STMND1: variants seen among roughly 807,000 people sequenced by gnomAD.
STMND1 encodes stathmin domain-containing protein 1.
A neutral mutation model predicts 23.0 loss-of-function variants in STMND1; 17 were observed. The observed-to-expected ratio is 0.74, with a 90% CI of 0.51 to 1.11. STMND1 has a LOEUF of 1.11. Ranked by LOEUF, STMND1 falls within the 50% of genes least tolerant of loss-of-function variation. STMND1 has a pLI of 0.00. For missense variants in STMND1, 305 were observed against 329.1 expected (o/e 0.93, Z 0.57); for synonymous variants, 114 against 119.9 (o/e 0.95, Z 0.32).
intron 2 of STMND1, among the ~76,000 whole-genome samples, chr6:17,116,830 T>C (rs1033411581): frequency 2.6e-5 from 4 of 152,064 alleles, no homozygotes; most frequent in Non-Finnish European, 5.9e-5. Context: ...AATTTCAGAG[T>C]CAAGAAAAGG....
At chr6:17,126,058 ATATATATATATATTT>A (rs1429986693) in intron 3 of STMND1, among the ~76,000 whole-genome samples, 7 of 23,110 alleles carry the variant, frequency 3.0e-4, no homozygotes, top group African/African-American at 1.3e-3. Flanking sequence ...ATATATATAT[ATATATATATATATTT>A]TTTTTTTTTT....
chr6:17,104,617 T>C (rs1426884895), intron 1 of STMND1, among the ~76,000 whole-genome samples: 1 of 152,154 alleles, frequency 6.6e-6, no homozygotes, highest in Non-Finnish European at 1.5e-5. Context: ...TCCTAATTGC[T>C]CTCCCTGGAT....
At position 17,115,117 on chromosome 6, in the gene STMND1, A is replaced by G; in HGVS notation, c.237A>G (p.Glu79=). The G allele has an allele frequency of 6.5e-7, 1 of 1,535,466 alleles. No homozygotes were observed. The highest frequency in any genetic ancestry group is 8.7e-7 in the Non-Finnish European group (1 of 1,146,700). Residue 79 remains glutamate (E), a synonymous_variant, in exon 2 of 5, where the codon GAA becomes GAG. Coordinates refer to ENST00000536551, the MANE Select transcript of STMND1 (RefSeq NM_001190766.2). The stretch of plus-strand genomic sequence containing the variant: ...CAGAAAATTCTCCATCTCCTAGTGA[A>G]AGAAACAGACGAGTAAATTCAGGTA... The part of the protein sequence containing the change: ...TISENSPSPS[E]RNRRVNSDLV...
chr6:17,102,367 C>A, intron 1 of STMND1, 29 bp downstream of exon 1: 1 of 1,534,582 alleles, frequency 6.5e-7, no homozygotes, highest in Non-Finnish European at 8.7e-7. Context: ...AACAAACAAA[C>A]AAACAGACAG....
chr6:17,102,272 T>G lies in STMND1; in HGVS notation c.15T>G (p.Pro5=), dbSNP rs1216268701. The change falls in exon 1 of 5, where the codon CCT becomes CCG. Residue 5 remains proline (P), a synonymous_variant. Coordinates refer to ENST00000536551, the MANE Select transcript of STMND1 (RefSeq NM_001190766.2). MGCG[P]SQPAEDRRRV... Reference sequence around the variant, plus strand: ...GCGCGCGCAGCATGGGCTGTGGACCTTCCCAACCTGCTGAAGACCGGAGAC... The same window carrying G: ...GCGCGCGCAGCATGGGCTGTGGACCGTCCCAACCTGCTGAAGACCGGAGAC... 1 of 1,535,974 alleles carries G rather than the reference T, an allele frequency of 6.5e-7. No individual in the cohort carries two copies. The highest frequency in any genetic ancestry group is 8.7e-7 in the Non-Finnish European group (1 of 1,146,832).
chr6:17,102,605 G>A (rs572974284), intron 1 of STMND1, among the ~76,000 whole-genome samples: 9 of 152,302 alleles, frequency 5.9e-5, no homozygotes, highest in South Asian at 4.1e-4. Context: ...AATTTTGAGA[G>A]CCTTTGGTGT....
At position 17,130,871 on chromosome 6, in the gene STMND1, T is replaced by A; in HGVS notation, c.821T>A (p.Ile274Lys). The A allele has an allele frequency of 6.6e-7, 1 of 1,522,458 alleles. No individual in the cohort carries two copies. Among genetic ancestry groups the A allele is most frequent in the Non-Finnish European group, 8.8e-7 (1 of 1,138,648 alleles). 94.3% of individuals were successfully genotyped at this position (1,522,458 alleles called of 1,614,324 possible). A position where few individuals can be genotyped will look rare whatever the true frequency, so the allele number is the denominator to read the frequency against. Residue 274 changes from isoleucine (I) to lysine (K), a missense_variant, in exon 5 of 5, where the codon ATA becomes AAA. Physicochemically the swap from Ile to Lys is moderately radical, Grantham distance 102 (BLOSUM62 -3). Coordinates refer to ENST00000536551, the MANE Select transcript of STMND1 (RefSeq NM_001190766.2). ...SDMSYNQADDIVY is the reference protein window; with the variant it reads ...SDMSYNQADDKVY The stretch of plus-strand genomic sequence containing the variant: ...ATGTCCTACAACCAAGCAGATGACA[T>A]AGTCTACTAAGCCATTTTTTGTGAA...
At chr6:17,121,392 C>T (rs2113488439) in intron 3 of STMND1, among the ~76,000 whole-genome samples, 1 of 152,276 alleles carries the variant, frequency 6.6e-6, no homozygotes, top group Middle Eastern at 3.4e-3. Context: ...CACTGAATAA[C>T]ATACTTTCAT....
At chr6:17,120,550 GA>G (rs931918403) in intron 2 of STMND1, 56 bp from the exon 3 acceptor site, 4 of 1,386,248 alleles carry the variant, frequency 2.9e-6, no homozygotes, top group Non-Finnish European at 3.8e-6. Context: ...GCATTTGATT[GA>G]AAAAATCTTC....
At chr6:17,121,862 A>C (rs1478332833) in intron 3 of STMND1, among the ~76,000 whole-genome samples, 1 of 146,038 alleles carries the variant, frequency 6.8e-6, no homozygotes, top group Non-Finnish European at 1.5e-5. Context: ...TAGAGTTCTA[A>C]ATTTTTTTTT....
chr6:17,120,904 C>T (rs772292221), intron 3 of STMND1, 146 bp downstream of exon 3: 9 of 708,332 alleles, frequency 1.3e-5, no homozygotes, highest in Non-Finnish European at 1.8e-5. Flanking sequence ...TTAAATTCCC[C>T]CCACATCTCT....
intron 2 of STMND1, among the ~76,000 whole-genome samples, 185 bp downstream of exon 2, chr6:17,115,324 A>G (rs552296174): frequency 9.2e-5 from 14 of 151,774 alleles, no homozygotes; most frequent in East Asian, 5.8e-4. Flanking sequence ...GTGAGTAAAT[A>G]ATGCTAAGCA....
intron 2 of STMND1, among the ~76,000 whole-genome samples, chr6:17,117,727 T>G (rs897336942): frequency 7.5e-6 from 1 of 133,302 alleles, no homozygotes; most frequent in Non-Finnish European, 1.6e-5. Context: ...CCAAGCTGGA[T>G]TGCAGTGGTG....
At chr6:17,125,186 G>A (rs1204319721) in intron 3 of STMND1, among the ~76,000 whole-genome samples, 1 of 151,222 alleles carries the variant, frequency 6.6e-6, no homozygotes, top group African/African-American at 2.4e-5. Context: ...GAGTTAAAGT[G>A]ATATGTAAGA....
At chr6:17,130,264 G>A (rs993574355) in intron 4 of STMND1, among the ~76,000 whole-genome samples, 1 of 152,146 alleles carries the variant, frequency 6.6e-6, no homozygotes, top group Middle Eastern at 3.2e-3. Context: ...CTGCTGCAGA[G>A]CATCAGGCTG....
At chr6:17,125,427 G>A (rs561957728) in intron 3 of STMND1, among the ~76,000 whole-genome samples, 4 of 152,184 alleles carry the variant, frequency 2.6e-5, no homozygotes, top group African/African-American at 7.2e-5. Flanking sequence ...ATTTCTCCCC[G>A]CCACTTAGCA....
intron 1 of STMND1, among the ~76,000 whole-genome samples, chr6:17,104,064 C>A (rs987977988): frequency 3.9e-4 from 60 of 152,106 alleles, no homozygotes; most frequent in African/African-American, 1.4e-3. Context: ...CACTCATGGG[C>A]TCTTGGATCT....
intron 3 of STMND1, among the ~76,000 whole-genome samples, chr6:17,123,298 G>T (rs1346523722): frequency 6.6e-6 from 1 of 152,184 alleles, no homozygotes; most frequent in Non-Finnish European, 1.5e-5. Context: ...TAGGCATATA[G>T]AATGGTTGTT....
chr6:17,102,727 G>C (rs1760960169), intron 1 of STMND1, among the ~76,000 whole-genome samples: 1 of 152,164 alleles, frequency 6.6e-6, no homozygotes, highest in Non-Finnish European at 1.5e-5. Flanking sequence ...GGGAAGGTTA[G>C]AGTCCGTAGG....
Sources: gnomAD v4.1 joint callset for allele counts (sites outside exome capture counted in the v4.1 genomes callset) on GRCh38, gnomAD v4.1.1 for gene constraint, MANE v1.5 for transcripts, NCBI Gene and HGNC (gene_info 2026-07-23, HGNC 2026-07-21) for gene names.